ENTREP2: variants seen among roughly 807,000 people sequenced by gnomAD.
ENTREP2 encodes endosomal transmembrane epsin interactor 2.
At chr15:29,545,722 T>C in the ENTREP2 span, among the ~76,000 whole-genome samples, 1 of 152,188 alleles carries the variant, frequency 6.6e-6, no homozygotes, top group African/African-American at 2.4e-5. Flanking sequence ...TCACTTTTCA[T>C]TATTAAACCA....
At chr15:29,490,452 T>G in the ENTREP2 span, among the ~76,000 whole-genome samples, 4 of 152,194 alleles carry the variant, frequency 2.6e-5, no homozygotes, top group African/African-American at 9.6e-5. Flanking sequence ...TTCCCTTGTC[T>G]GACCCCACCC....
chr15:29,189,808 A>G, the ENTREP2 span, among the ~76,000 whole-genome samples: 1 of 152,218 alleles, frequency 6.6e-6, no homozygotes, highest in African/African-American at 2.4e-5. Context: ...CTTGGCAAAA[A>G]TGGCCATCAA....
chr15:29,667,132 A>G, the ENTREP2 span, among the ~76,000 whole-genome samples: 1 of 152,254 alleles, frequency 6.6e-6, no homozygotes, highest in Admixed American at 6.5e-5. Flanking sequence ...TTTCCAAATA[A>G]AGTCACATTC....
chr15:29,294,945 T>C, the ENTREP2 span, among the ~76,000 whole-genome samples: 5 of 152,186 alleles, frequency 3.3e-5, no homozygotes, highest in East Asian at 9.7e-4. Context: ...GCCGCCAGTC[T>C]CCTGCTGTAG....
chr15:29,279,370 ATTTT>A, the ENTREP2 span, among the ~76,000 whole-genome samples: 1 of 144,506 alleles, frequency 6.9e-6, no homozygotes, highest in Non-Finnish European at 1.5e-5. Flanking sequence ...TTTAGTTGGG[ATTTT>A]TTTTTTTTTG....
chr15:29,656,998 T>G, the ENTREP2 span, among the ~76,000 whole-genome samples: 50 of 152,152 alleles, frequency 3.3e-4, no homozygotes, highest in Non-Finnish European at 2.5e-4. Flanking sequence ...GCCAGGGTGT[T>G]CGTGGTCTCG....
chr15:29,365,546 CACTG>C, the ENTREP2 span, among the ~76,000 whole-genome samples: 1 of 152,074 alleles, frequency 6.6e-6, no homozygotes, highest in South Asian at 2.1e-4. Context: ...TTCTTTTTAG[CACTG>C]ACTAATATTC....
the ENTREP2 span, among the ~76,000 whole-genome samples, chr15:29,162,451 C>A: frequency 6.6e-6 from 1 of 152,094 alleles, no homozygotes. Context: ...CGAAAACAGA[C>A]TTGGGGCGGT....
chr15:29,605,263 T>C, the ENTREP2 span, among the ~76,000 whole-genome samples: 2 of 152,228 alleles, frequency 1.3e-5, no homozygotes, highest in African/African-American at 4.8e-5. Flanking sequence ...TGATTGATTA[T>C]TCTTTTGAGA....
chr15:29,674,220 A>G, the ENTREP2 span, among the ~76,000 whole-genome samples: 1 of 151,196 alleles, frequency 6.6e-6, no homozygotes. Context: ...AGCCAGAAGC[A>G]GCAAACGCTC....
chr15:29,253,648 G>A, the ENTREP2 span, among the ~76,000 whole-genome samples: 28 of 152,030 alleles, frequency 1.8e-4, no homozygotes, highest in East Asian at 3.9e-4. Context: ...TCACCATGTT[G>A]GCCAGGACGG....
At chr15:29,119,335 A>AAAC in the ENTREP2 span, among the ~76,000 whole-genome samples, 15 of 48,702 alleles carry the variant, frequency 3.1e-4, 6 homozygotes, top group African/African-American at 5.2e-4. Flanking sequence ...CATTCTCAGT[A>AAAC]AACTATCGCA....
chr15:29,384,939 G>A, the ENTREP2 span, among the ~76,000 whole-genome samples: 1 of 152,148 alleles, frequency 6.6e-6, no homozygotes, highest in South Asian at 2.1e-4. Flanking sequence ...ATGGTGAGAA[G>A]AAACATCCCC....
chr15:29,583,348 A>C, the ENTREP2 span, among the ~76,000 whole-genome samples: 5 of 152,226 alleles, frequency 3.3e-5, no homozygotes, highest in African/African-American at 4.8e-5. Context: ...AGCGACATGG[A>C]TGAAGCTGGA....
the ENTREP2 span, among the ~76,000 whole-genome samples, chr15:29,274,331 G>C: frequency 2.0e-5 from 3 of 152,152 alleles, no homozygotes; most frequent in Non-Finnish European, 4.4e-5. Context: ...ATTAAGTTTT[G>C]AGGCTCTATA....
the ENTREP2 span, among the ~76,000 whole-genome samples, chr15:29,414,624 G>T: frequency 1.3e-5 from 2 of 152,126 alleles, no homozygotes; most frequent in South Asian, 2.1e-4. Context: ...TCAAAAGCTA[G>T]CAGAAGGCAA....
the ENTREP2 span, among the ~76,000 whole-genome samples, chr15:29,479,655 TCACACACACATA>T: frequency 1.0e-4 from 15 of 143,168 alleles, no homozygotes; most frequent in Non-Finnish European, 1.9e-4. Context: ...TCTGTCTGTC[TCACACACACATA>T]CACACACACA....
chr15:29,139,806 C>A, the ENTREP2 span, among the ~76,000 whole-genome samples: 1 of 152,202 alleles, frequency 6.6e-6, no homozygotes, highest in African/African-American at 2.4e-5. Flanking sequence ...GAGAATCCTG[C>A]AAGTGGCGCT....
the ENTREP2 span, among the ~76,000 whole-genome samples, chr15:29,305,802 A>G: frequency 1.3e-5 from 2 of 152,228 alleles, no homozygotes; most frequent in South Asian, 2.1e-4. Context: ...TCTGGAGCCC[A>G]AAAAAGAAGC....
Sources: allele counts gnomAD v4.1 joint callset (sites outside exome capture counted in the v4.1 genomes callset), GRCh38; gene constraint gnomAD v4.1.1; transcripts MANE v1.5; gene names NCBI Gene and HGNC (gene_info 2026-07-23, HGNC 2026-07-21).